Variants in DLC1 observed in about 807,000 individuals in gnomAD.
DLC1 encodes DLC1 Rho GTPase activating protein, also known as rho GTPase-activating protein 7.
In DLC1, 54 loss-of-function variants were observed where a neutral mutation model predicts 140.3. The ratio of observed to expected loss-of-function variants is 0.38; its 90% CI spans 0.31 to 0.48. The LOEUF (loss-of-function observed/expected upper bound fraction) is 0.48, where lower values mean the gene tolerates loss of function less well. Among genes scored for constraint, DLC1 ranks in the 20% least tolerant of loss-of-function variants. The pLI, the probability that DLC1 is intolerant of heterozygous loss-of-function variation, is 0.96. For synonymous variants in DLC1, 986 were observed against 728.1 expected (o/e 1.35, Z -5.70); for missense variants, 2,536 against 1,907.0 (o/e 1.33, Z -6.14).
At chr8:13,518,133 A>C (rs1802651725), upstream of DLC1, among the ~76,000 whole-genome samples, 1 of 146,276 alleles carries the variant, frequency 6.8e-6, no homozygotes, top group African/African-American at 2.8e-5. Context: ...TTTGAGACAG[A>C]GTCTGGCTCT....
At position 13,359,217 on chromosome 8, in the gene DLC1, C is replaced by T. The variant is rs547834815; in HGVS notation, c.1314+34336G>A. On this transcript the variant is annotated intron_variant, in intron 4 of 17. Coordinates refer to ENST00000276297, the MANE Select transcript of DLC1 (RefSeq NM_182643.3). ...CCTCCCAAATTGCTGGGATTACAGG[C>T]GTGAGCCACCGCACCCATCCTACAA... 2.0e-5 allele frequency among the ~76,000 whole-genome samples: 3 copies of T among 152,272 alleles called. No homozygotes were observed. The East Asian group carries it at 5.8e-4, about 29-fold the overall frequency.
chr8:13,240,858 A>T (rs1197695840), intron 5 of DLC1, among the ~76,000 whole-genome samples: 1 of 152,190 alleles, frequency 6.6e-6, no homozygotes. Context: ...AAAATATCTA[A>T]ATGTATAAAA....
chr8:13,173,151 C>G (rs1367049178), intron 5 of DLC1, among the ~76,000 whole-genome samples: 4 of 152,152 alleles, frequency 2.6e-5, no homozygotes, highest in African/African-American at 4.8e-5. Context: ...AGTAGACAAA[C>G]GTTTGAGCCC....
chr8:13,202,557 T>A (rs1365474410), intron 5 of DLC1, among the ~76,000 whole-genome samples: 1 of 152,252 alleles, frequency 6.6e-6, no homozygotes, highest in African/African-American at 2.4e-5. Flanking sequence ...TTGGCTTCGC[T>A]GTGGGCTTTA....
At chr8:13,093,128 G>C (rs1036121322) in intron 12 of DLC1, among the ~76,000 whole-genome samples, 8 of 137,528 alleles carry the variant, frequency 5.8e-5, no homozygotes, top group African/African-American at 1.5e-4. Flanking sequence ...TTACAGAACA[G>C]TTTTTTCTTT....
rs1165029770 is a variant in DLC1, at chr8:13,088,491, A to C, written c.4288T>G (p.Leu1430Val). The C allele has an allele frequency of 5.6e-6, 9 of 1,614,214 alleles. No homozygotes were observed. In the South Asian group the frequency reaches 9.9e-5, roughly 18 times the overall value. ...APHPARDYVV[L>V]RTWRTNLPKG... Reference sequence around the variant, plus strand: ...AAACAACTGGGAAGCGCTCACCTTAAAACAACGTAGTCTCGAGCAGGATGA... The same window carrying C: ...AAACAACTGGGAAGCGCTCACCTTACAACAACGTAGTCTCGAGCAGGATGA... The change falls in exon 16 of 18, where the codon TTA becomes GTA. Residue 1430 changes from leucine (L) to valine (V), a missense_variant. Coordinates refer to ENST00000276297, the MANE Select transcript of DLC1 (RefSeq NM_182643.3).
At chr8:13,211,266 T>TA (rs1211175168) in intron 5 of DLC1, among the ~76,000 whole-genome samples, 2 of 152,162 alleles carry the variant, frequency 1.3e-5, no homozygotes, top group Non-Finnish European at 2.9e-5. Context: ...AGCATAAATA[T>TA]AGCTAGCCAT....
At chr8:13,523,236 A>C (rs1184350421) in intron 1 of DLC1, among the ~76,000 whole-genome samples, 1 of 152,234 alleles carries the variant, frequency 6.6e-6, no homozygotes, top group Non-Finnish European at 1.5e-5. Context: ...GAAGGTAATG[A>C]GAAATATCAG....
At chr8:13,224,571 A>G (rs142660305) in intron 5 of DLC1, among the ~76,000 whole-genome samples, 2,829 of 152,292 alleles carry the variant, frequency 0.019, 98 homozygotes, top group African/African-American at 0.063. Context: ...ATGTGGGGTA[A>G]GGAGCCCTAA....
chr8:13,570,741 C>T (rs1226633243), intron 1 of DLC1, among the ~76,000 whole-genome samples: 2 of 152,124 alleles, frequency 1.3e-5, no homozygotes, highest in African/African-American at 4.8e-5. Context: ...TTTCACCTGG[C>T]ATACTCTCCC....
At position 13,367,910 on chromosome 8, in the gene DLC1, A is replaced by C. The variant is rs975858728; in HGVS notation, c.1314+25643T>G. Reference sequence around the variant, plus strand: ...CCTTGAGAAGTTTTTCGGCTTAGACAGGAATTTCACAGAAATAAACATAGA... The same window carrying C: ...CCTTGAGAAGTTTTTCGGCTTAGACCGGAATTTCACAGAAATAAACATAGA... On this transcript the variant is annotated intron_variant, in intron 4 of 17. Coordinates refer to ENST00000276297, the MANE Select transcript of DLC1 (RefSeq NM_182643.3). 2.0e-5 allele frequency among the ~76,000 whole-genome samples: 3 copies of C among 152,338 alleles called. No individual in the cohort carries two copies. The South Asian group carries it at 6.2e-4, about 32-fold the overall frequency.
intron 3 of DLC1, among the ~76,000 whole-genome samples, chr8:13,399,853 G>A (rs1403565398): frequency 6.6e-6 from 1 of 152,056 alleles, no homozygotes; most frequent in Middle Eastern, 3.2e-3. Flanking sequence ...ACTGGGGTGG[G>A]GTAGGGGGGC....
intron 2 of DLC1, among the ~76,000 whole-genome samples, chr8:13,472,614 A>C (rs1161393789): frequency 6.6e-6 from 1 of 152,160 alleles, no homozygotes; most frequent in Non-Finnish European, 1.5e-5. Flanking sequence ...TTCATGTTTC[A>C]TTGGGAAGAA....
At chr8:13,396,984 C>T (rs1347423508) in intron 3 of DLC1, among the ~76,000 whole-genome samples, 1 of 151,882 alleles carries the variant, frequency 6.6e-6, no homozygotes, top group East Asian at 1.9e-4. Flanking sequence ...TCCTACAGGC[C>T]ATCTTCCTGC....
intron 4 of DLC1, among the ~76,000 whole-genome samples, chr8:13,352,528 T>C (rs1834724781): frequency 6.6e-6 from 1 of 151,844 alleles, no homozygotes; most frequent in South Asian, 2.1e-4. Flanking sequence ...ACTACAGGCA[T>C]GCACCACCAT....
intron 4 of DLC1, among the ~76,000 whole-genome samples, chr8:13,345,887 A>C (rs1380211601): frequency 2.0e-5 from 3 of 152,108 alleles, no homozygotes; most frequent in Admixed American, 6.6e-5. Context: ...AAGAACAATT[A>C]AGCATAAAAA....
At chr8:13,258,582 C>T (rs1830350028) in intron 5 of DLC1, among the ~76,000 whole-genome samples, 1 of 152,148 alleles carries the variant, frequency 6.6e-6, no homozygotes, top group African/African-American at 2.4e-5. Context: ...TGACTTTTAA[C>T]CAGTTACCTA....
rs570384812 is a variant in DLC1, at chr8:13,220,344, G to A, written c.1348+84925C>T. Among the ~76,000 whole-genome samples, 25 of 152,232 alleles carry A rather than the reference G, an allele frequency of 1.6e-4. No homozygotes were observed. In the East Asian group the frequency reaches 4.2e-3, roughly 26 times the overall value. On this transcript the variant is annotated intron_variant, in intron 5 of 17. Transcript: ENST00000276297. ...GCAGCAAAGGATAAAGGTGCCCCAC[G>A]TAAAGGTAAAGATAGAAACTTGAGC...
intron 3 of DLC1, among the ~76,000 whole-genome samples, chr8:13,394,019 C>G (rs1420621113): frequency 6.6e-6 from 1 of 152,090 alleles, no homozygotes; most frequent in Non-Finnish European, 1.5e-5. Context: ...CACAGCCACA[C>G]CTTCCTTACT....
Sources: gnomAD v4.1 joint callset for allele counts (sites outside exome capture counted in the v4.1 genomes callset) on GRCh38, gnomAD v4.1.1 for gene constraint, MANE v1.5 for transcripts, NCBI Gene and HGNC (gene_info 2026-07-23, HGNC 2026-07-21) for gene names.